Variants in BPTF observed in about 807,000 individuals in gnomAD.
The protein encoded by BPTF is bromodomain PHD finger transcription factor, also known as nucleosome-remodeling factor subunit BPTF.
Under a neutral mutation model 292.5 loss-of-function variants are expected in BPTF, and 18 were observed. That is an observed-to-expected ratio of 0.06 (90% CI 0.04 to 0.09). The LOEUF (loss-of-function observed/expected upper bound fraction) is 0.09, where lower values mean the gene tolerates loss of function less well. Among genes scored for constraint, BPTF ranks in the 10% least tolerant of loss-of-function variants. The pLI is 1.00. For synonymous variants in BPTF, 1,225 were observed against 1,251.9 expected, an observed-to-expected ratio of 0.98 and a Z score of 0.45; for missense variants, 2,726 against 3,498.7, an observed-to-expected ratio of 0.78 and a Z score of 5.57.
intron 1 of BPTF, among the ~76,000 whole-genome samples, chr17:67,834,199 A>G (rs1477367945): frequency 6.6e-6 from 1 of 152,058 alleles, no homozygotes; most frequent in African/African-American, 2.4e-5. Flanking sequence ...TAAGTGTTTT[A>G]GTTTCCAAAT....
At chr17:67,847,856 C>T (rs937368582) in intron 1 of BPTF, among the ~76,000 whole-genome samples, 2 of 152,038 alleles carry the variant, frequency 1.3e-5, no homozygotes, top group Non-Finnish European at 2.9e-5. Flanking sequence ...AAGGTGAATC[C>T]TTGTTACATT....
At chr17:67,946,347 A>C in intron 21 of BPTF, 22 bp downstream of exon 21, 1 of 1,608,694 alleles carries the variant, frequency 6.2e-7, no homozygotes, top group East Asian at 2.2e-5. Context: ...AAGTAAAAGC[A>C]GCATGTTCAG....
chr17:67,843,222 A>C (rs544653789), intron 1 of BPTF, among the ~76,000 whole-genome samples: 1 of 146,330 alleles, frequency 6.8e-6, no homozygotes, highest in Non-Finnish European at 1.5e-5. Context: ...ATGTAGATAT[A>C]TACCTATATA....
intron 2 of BPTF, among the ~76,000 whole-genome samples, chr17:67,864,387 C>T (rs73350886): frequency 0.078 from 11,775 of 151,732 alleles, 1,566 homozygotes; most frequent in African/African-American, 0.27. Flanking sequence ...ATTAGCTGGG[C>T]GTGGTGGTGT....
intron 1 of BPTF, among the ~76,000 whole-genome samples, chr17:67,834,558 CTTCATGTATTTTGAGGCTTTATA>C (rs1373626133): frequency 2.6e-5 from 4 of 152,110 alleles, no homozygotes; most frequent in African/African-American, 7.2e-5. Flanking sequence ...TTCTAGCAAT[CTTCATGTATTTTGAGGCTTTATA>C]TTCATGTATT....
chr17:67,954,564 C>G (rs781861221), intron 23 of BPTF, among the ~76,000 whole-genome samples: 26 of 152,170 alleles, frequency 1.7e-4, no homozygotes, highest in Non-Finnish European at 3.2e-4. Context: ...ACCTCTTCTT[C>G]CTTCTGAATC....
chr17:67,893,101 T>C (rs548152268), intron 5 of BPTF: 316 of 421,512 alleles, frequency 7.5e-4, no homozygotes, highest in Non-Finnish European at 1.1e-3. Flanking sequence ...TTTGAAGTAT[T>C]AATACATGAA....
At chr17:67,969,505 G>A (rs117715138) in intron 26 of BPTF, among the ~76,000 whole-genome samples, 1,562 of 140,036 alleles carry the variant, frequency 0.011, 17 homozygotes, top group Non-Finnish European at 0.014. Flanking sequence ...GTGTGTTCTT[G>A]TATGCATGGG....
intron 23 of BPTF, chr17:67,951,846 A>C (rs1161405652): frequency 6.6e-6 from 1 of 152,150 alleles, no homozygotes. Context: ...ACATGAGGCC[A>C]GGAGTTCGAG....
chr17:67,838,029 A>T (rs1196690939), intron 1 of BPTF, among the ~76,000 whole-genome samples: 3 of 152,166 alleles, frequency 2.0e-5, no homozygotes, highest in Non-Finnish European at 4.4e-5. Flanking sequence ...TATAGGATGG[A>T]CTAGATGATC....
At position 67,984,098 on chromosome 17, in the gene BPTF, A is replaced by G. The variant is rs2070669067; in HGVS notation, c.*1810A>G. 1.3e-5 allele frequency: 2 copies of G among 152,644 alleles called. No homozygotes were observed. Among genetic ancestry groups the G allele is most frequent in the African/African-American group, 2.4e-5 (1 of 41,464 alleles). 9.5% of individuals were successfully genotyped at this position (152,644 alleles called of 1,614,324 possible). On this transcript the variant is annotated 3_prime_UTR_variant, in exon 28 of 28. Transcript: ENST00000306378. ...TCCTTTTACTTTTTTAAAAAATGTT[A>G]CATATTGTATGCACTGTGCTGATGC...
At chr17:67,967,324 TAGAGAC>T (rs1234493541) in intron 26 of BPTF, among the ~76,000 whole-genome samples, 2 of 150,498 alleles carry the variant, frequency 1.3e-5, no homozygotes, top group Non-Finnish European at 3.0e-5. Flanking sequence ...ATATTTTTTG[TAGAGAC>T]AGGGTTTCAC....
At chr17:67,944,584 A>G (rs2065650952) in intron 20 of BPTF, 1 of 580,926 alleles carries the variant, frequency 1.7e-6, no homozygotes, top group Non-Finnish European at 3.0e-6. Context: ...CCCTCCTATT[A>G]AAAAAGAGAG....
chr17:67,846,104 T>C (rs2058012719), intron 1 of BPTF, among the ~76,000 whole-genome samples: 1 of 152,206 alleles, frequency 6.6e-6, no homozygotes, highest in Non-Finnish European at 1.5e-5. Flanking sequence ...ACCATTGTAT[T>C]TAGTGGCAAT....
chr17:67,827,385 G>A (rs1356842385), intron 1 of BPTF, among the ~76,000 whole-genome samples: 2 of 151,984 alleles, frequency 1.3e-5, no homozygotes, highest in Non-Finnish European at 2.9e-5. Flanking sequence ...CTCTAGGCTG[G>A]TGCCGAGATG....
In BPTF at chr17:67,880,958, T is replaced by TACAC. The variant is rs71993218; in HGVS notation, c.1864+5957_1864+5960dup. Among the ~76,000 whole-genome samples, 976 of 149,006 alleles carry TACAC rather than the reference T, an allele frequency of 6.6e-3. 8 individuals are homozygous for TACAC. Among genetic ancestry groups the TACAC allele is most frequent in the African/African-American group, 0.023 (919 of 40,192 alleles). On this transcript the variant is annotated intron_variant, in intron 4 of 27. Coordinates refer to ENST00000306378, the MANE Select transcript of BPTF (RefSeq NM_182641.4). ...AGGGTGTATGTATATTATATATATA[T>TACAC]ACACACACACACACACACACACGTA...
At chr17:67,969,424 C>T (rs2068508219) in intron 26 of BPTF, among the ~76,000 whole-genome samples, 1 of 137,174 alleles carries the variant, frequency 7.3e-6, no homozygotes, top group South Asian at 2.3e-4. Flanking sequence ...TGCACTCCAG[C>T]CTGGGCAACA....
At chr17:67,947,832 T>C (rs371697268) in intron 22 of BPTF, 24 bp downstream of exon 22, 1 of 1,543,734 alleles carries the variant, frequency 6.5e-7, no homozygotes, top group African/African-American at 1.4e-5. Context: ...AGGGTCTTGT[T>C]GTCTGTCCGT....
At chr17:67,836,697 A>G (rs892980963) in intron 1 of BPTF, among the ~76,000 whole-genome samples, 8 of 152,226 alleles carry the variant, frequency 5.3e-5, no homozygotes, top group African/African-American at 1.7e-4. Flanking sequence ...CTCTTCTCAC[A>G]GTAATCAAGA....
Sources: allele counts gnomAD v4.1 joint callset (sites outside exome capture counted in the v4.1 genomes callset), GRCh38; gene constraint gnomAD v4.1.1; transcripts MANE v1.5; gene names NCBI Gene and HGNC (gene_info 2026-07-23, HGNC 2026-07-21).